Variants in FAM107B observed in about 807,000 individuals in gnomAD.
FAM107B encodes the protein family with sequence similarity 107 member B, also known as protein FAM107B.
FAM107B carries 21 observed loss-of-function variants against 31.5 expected under a neutral mutation model. The ratio of observed to expected loss-of-function variants is 0.67; its 90% CI spans 0.47 to 0.96. The LOEUF is 0.96. FAM107B is among the 40% of genes least tolerant of loss of function. The pLI is 0.00. For missense variants in FAM107B, 452 were observed against 377.1 expected (o/e 1.20, Z -1.64); for synonymous variants, 157 against 141.5 (o/e 1.11, Z -0.78).
At chr10:14,617,604 CAA>C (rs776648720) in intron 2 of FAM107B, among the ~76,000 whole-genome samples, 1 of 152,072 alleles carries the variant, frequency 6.6e-6, no homozygotes, top group Admixed American at 6.5e-5. Flanking sequence ...TGAGCAGAGA[CAA>C]AAGTAAAACT....
At chr10:14,719,301 G>A (rs1178268070) in intron 1 of FAM107B, among the ~76,000 whole-genome samples, 1 of 152,138 alleles carries the variant, frequency 6.6e-6, no homozygotes, top group Non-Finnish European at 1.5e-5. Flanking sequence ...TAAGAATCCT[G>A]ACCTACTTCA....
chr10:14,710,431 TACACACACACACACACACACACACAC>T (rs57418409), intron 1 of FAM107B, among the ~76,000 whole-genome samples: 2 of 146,420 alleles, frequency 1.4e-5, no homozygotes, highest in African/African-American at 5.0e-5. Flanking sequence ...TCTCTAAAAA[TACACACACACACACACACACACACAC>T]ACACACACAC....
rs77089668 is a variant in FAM107B, at chr10:14,527,477, G to A, written c.653+2855C>T. ...ACTGGAAAAACTGAACTGCCATAGAGCTTTGAGCTAAATTTGTAGCTATGC... is the reference window on the plus strand; with the variant it reads ...ACTGGAAAAACTGAACTGCCATAGAACTTTGAGCTAAATTTGTAGCTATGC... On this transcript the variant is annotated intron_variant, in intron 3 of 4. Coordinates refer to ENST00000181796, the MANE Select transcript of FAM107B (RefSeq NM_031453.4). Among the ~76,000 whole-genome samples the A allele has an allele frequency of 6.6e-4, 101 of 152,368 alleles. 1 individual carries two copies. In the East Asian group the frequency reaches 0.018, roughly 27 times the overall value.
At chr10:14,712,421 T>C (rs1174300947) in intron 1 of FAM107B, among the ~76,000 whole-genome samples, 2 of 151,844 alleles carry the variant, frequency 1.3e-5, no homozygotes, top group Non-Finnish European at 2.9e-5. Context: ...TGAAACCCTG[T>C]CTCTACTAAA....
At chr10:14,667,741 G>A in intron 1 of FAM107B, 50 bp from the exon 2 acceptor site, 1 of 1,588,336 alleles carries the variant, frequency 6.3e-7, no homozygotes, top group Non-Finnish European at 8.6e-7. Flanking sequence ...GTAAAAATAT[G>A]CATTAATGTA....
chr10:14,719,960 T>G (rs1450511988), intron 1 of FAM107B, among the ~76,000 whole-genome samples: 1 of 152,194 alleles, frequency 6.6e-6, no homozygotes, highest in Non-Finnish European at 1.5e-5. Flanking sequence ...TTTTCCTCAC[T>G]GGGCCCTGAC....
chr10:14,539,161 G>A, intron 2 of FAM107B, among the ~76,000 whole-genome samples: 1 of 152,198 alleles, frequency 6.6e-6, no homozygotes, highest in East Asian at 1.9e-4. Flanking sequence ...TTTAAACAAA[G>A]AATAATGATG....
chr10:14,543,302 T>C (rs1275055672), intron 2 of FAM107B, among the ~76,000 whole-genome samples: 4 of 152,194 alleles, frequency 2.6e-5, no homozygotes, highest in Admixed American at 1.3e-4. Context: ...AAACACTTTT[T>C]TGAATTGCAA....
chr10:14,706,234 G>T (rs1246832138), intron 1 of FAM107B, among the ~76,000 whole-genome samples: 1 of 151,960 alleles, frequency 6.6e-6, no homozygotes, highest in African/African-American at 2.4e-5. Context: ...TAAGAGACAG[G>T]GTCTCACTCT....
intron 2 of FAM107B, among the ~76,000 whole-genome samples, chr10:14,539,153 T>C (rs1283505510): frequency 2.0e-5 from 3 of 152,238 alleles, no homozygotes; most frequent in African/African-American, 7.2e-5. Flanking sequence ...TACACTAGTT[T>C]AAACAAAGAA....
chr10:14,719,327 G>C (rs927184555), intron 1 of FAM107B, among the ~76,000 whole-genome samples: 3 of 152,140 alleles, frequency 2.0e-5, no homozygotes, highest in Non-Finnish European at 4.4e-5. Flanking sequence ...CTGTCCTCGG[G>C]GAAGAGATAA....
At chr10:14,722,282 A>AATCACATG (rs1258095645) in intron 1 of FAM107B, among the ~76,000 whole-genome samples, 1 of 152,274 alleles carries the variant, frequency 6.6e-6, no homozygotes, top group Admixed American at 6.5e-5. Context: ...ATAAAAATGA[A>AATCACATG]ATCACATGAT....
At chr10:14,687,534 A>T (rs1855019178) in intron 1 of FAM107B, among the ~76,000 whole-genome samples, 1 of 151,256 alleles carries the variant, frequency 6.6e-6, no homozygotes, top group Non-Finnish European at 1.5e-5. Context: ...GTGATCACTG[A>T]GCAAATATTT....
intron 2 of FAM107B, among the ~76,000 whole-genome samples, chr10:14,538,554 G>A (rs142716777): frequency 1.4e-4 from 22 of 152,258 alleles, no homozygotes; most frequent in African/African-American, 5.1e-4. Context: ...TGCTTATTTC[G>A]GGAGTGAATA....
chr10:14,716,387 G>GC (rs1335261294), intron 1 of FAM107B, among the ~76,000 whole-genome samples: 2 of 152,220 alleles, frequency 1.3e-5, no homozygotes, highest in Admixed American at 1.3e-4. Flanking sequence ...TTGGCAGGAG[G>GC]CCCAGTGCCT....
At chr10:14,564,489 C>T (rs1850498612) in intron 2 of FAM107B, among the ~76,000 whole-genome samples, 1 of 150,976 alleles carries the variant, frequency 6.6e-6, no homozygotes, top group Non-Finnish European at 1.5e-5. Flanking sequence ...CCATGACTAC[C>T]TCACCACTTA....
intron 1 of FAM107B, among the ~76,000 whole-genome samples, chr10:14,760,550 T>C (rs1470243151): frequency 6.7e-6 from 1 of 149,606 alleles, no homozygotes; most frequent in Non-Finnish European, 1.5e-5. Context: ...ACTGGTCACA[T>C]TAATGAGACA....
At chr10:14,757,209 C>A (rs960264677) in intron 1 of FAM107B, among the ~76,000 whole-genome samples, 7 of 151,758 alleles carry the variant, frequency 4.6e-5, no homozygotes, top group African/African-American at 1.7e-4. Context: ...AAACAAAAAC[C>A]ATACAAGTTG....
intron 1 of FAM107B, among the ~76,000 whole-genome samples, chr10:14,688,773 C>T (rs988723600): frequency 8.5e-5 from 13 of 152,122 alleles, no homozygotes; most frequent in Admixed American, 5.9e-4. Context: ...CCACCCTCTC[C>T]GCCCACACCT....
Sources: allele counts gnomAD v4.1 joint callset (sites outside exome capture counted in the v4.1 genomes callset), GRCh38; gene constraint gnomAD v4.1.1; transcripts MANE v1.5; gene names NCBI Gene and HGNC (gene_info 2026-07-23, HGNC 2026-07-21).